The following GFRA2 variants were observed in gnomAD, a reference collection of about 807,000 sequenced individuals.
GFRA2 encodes GDNF family receptor alpha-2.
A neutral mutation model predicts 48.3 loss-of-function variants in GFRA2; 17 were observed. The observed-to-expected ratio is 0.35, with a 90% confidence interval of 0.24 to 0.53. The LOEUF is 0.53. Among genes scored for constraint, GFRA2 ranks in the 20% least tolerant of loss-of-function variants. GFRA2 has a pLI of 0.93. For synonymous variants in GFRA2, 305 were observed against 257.2 expected, an observed-to-expected ratio of 1.19 and a Z score of -1.78; for missense variants, 660 against 637.3, an observed-to-expected ratio of 1.04 and a Z score of -0.38.
chr8:21,724,194 G>C (rs918825211), intron 4 of GFRA2, among the ~76,000 whole-genome samples: 6 of 152,088 alleles, frequency 3.9e-5, no homozygotes, highest in African/African-American at 9.7e-5. Flanking sequence ...CTCAGCAGCA[G>C]AGCCTGACAG....
At chr8:21,793,152 T>C (rs1807606665), upstream of GFRA2, among the ~76,000 whole-genome samples, 1 of 151,784 alleles carries the variant, frequency 6.6e-6, no homozygotes, top group African/African-American at 2.4e-5. Context: ...AACTAGAGGG[T>C]CCAATTGGGG....
At chr8:21,754,505 C>CTTTTT (rs59344047) in intron 3 of GFRA2, among the ~76,000 whole-genome samples, 17 of 121,218 alleles carry the variant, frequency 1.4e-4, no homozygotes, top group Non-Finnish European at 2.0e-4. Flanking sequence ...CTTTTTTTTT[C>CTTTTT]TTTTTTTTTT....
At chr8:21,762,921 G>A (rs1035675130) in intron 3 of GFRA2, among the ~76,000 whole-genome samples, 1 of 152,088 alleles carries the variant, frequency 6.6e-6, no homozygotes, top group Non-Finnish European at 1.5e-5. Flanking sequence ...CCAAATTTGA[G>A]GCATTTCATA....
At chr8:21,740,160 T>A (rs1425491586) in intron 4 of GFRA2, among the ~76,000 whole-genome samples, 1 of 152,120 alleles carries the variant, frequency 6.6e-6, no homozygotes, top group East Asian at 1.9e-4. Flanking sequence ...TGGGACTGGC[T>A]CCTCTGCAAT....
In GFRA2 at chr8:21,788,481, G is replaced by T. The variant is rs970606526; in HGVS notation, c.-322C>A. 3 of 1,096,132 alleles carry T rather than the reference G, an allele frequency of 2.7e-6. No individual in the cohort carries two copies. Among genetic ancestry groups the T allele is most frequent in the Middle Eastern group, 4.0e-4 (1 of 2,526 alleles). 67.9% of individuals were successfully genotyped at this position (1,096,132 alleles called of 1,614,324 possible). A position where few individuals can be genotyped will look rare whatever the true frequency, so the allele number is the denominator to read the frequency against. ...TCAGCCCTCCCCTCCAATCGTCCGG[G>T]AAGGCGTGAGTCCCCGCGGGTCCAA... On this transcript the variant is annotated 5_prime_UTR_variant, in exon 1 of 9. Transcript: ENST00000524240.
chr8:21,782,902 G>A lies in GFRA2; in HGVS notation c.41-3C>T. 1 of 1,548,754 alleles carries A rather than the reference G, an allele frequency of 6.5e-7. No homozygotes were observed. The highest frequency in any genetic ancestry group is 1.2e-5 in the South Asian group (1 of 85,102). On this transcript the variant is annotated splice_polypyrimidine_tract_variant and splice_region_variant and intron_variant, in intron 1 of 8. Coordinates refer to ENST00000524240, the MANE Select transcript of GFRA2 (RefSeq NM_001495.5). Reference sequence around the variant, plus strand: ...GGCCAAAGAGCGGAGGGTCTCGTCTGGGTGGTGGGGAGGGAAGACAAGCAT... The same window carrying A: ...GGCCAAAGAGCGGAGGGTCTCGTCTAGGTGGTGGGGAGGGAAGACAAGCAT...
chr8:21,778,796 AG>A (rs1370149388), intron 2 of GFRA2, among the ~76,000 whole-genome samples: 3 of 152,162 alleles, frequency 2.0e-5, no homozygotes, highest in Non-Finnish European at 4.4e-5. Context: ...CTGAGGCAGA[AG>A]GGTCACTTCA....
chr8:21,776,244 T>G (rs975839047), intron 2 of GFRA2, among the ~76,000 whole-genome samples: 1 of 151,850 alleles, frequency 6.6e-6, no homozygotes, highest in Admixed American at 6.6e-5. Context: ...GAGACTCAAC[T>G]AGCCCCCTGC....
intron 2 of GFRA2, among the ~76,000 whole-genome samples, chr8:21,798,065 C>T (rs1028498631): frequency 6.6e-6 from 1 of 152,318 alleles, no homozygotes; most frequent in East Asian, 1.9e-4. Flanking sequence ...CCCAGGGGTA[C>T]AGGCACCTGC....
rs76714184 is a variant in GFRA2 at position 21,694,621 on chromosome 8, T to C, written c.1219-104A>G. The C allele has an allele frequency of 7.4e-3, 7,686 of 1,036,726 alleles. 375 individuals carry two copies. In the African/African-American group the frequency reaches 0.11, roughly 15 times the overall value. The allele number at this position is 1,036,726 out of a possible 1,614,324, so 64.2% of individuals were successfully genotyped here. A position where few individuals can be genotyped will look rare whatever the true frequency, so the allele number is the denominator to read the frequency against. ...CCCCGCCATGCACTGTTGGCTCCGC[T>C]AAGCACAGCCAGCGCACACGGTGAA... On this transcript the variant is annotated intron_variant, in intron 7 of 8. Transcript: ENST00000524240.
intron 1 of GFRA2, 86 bp downstream of exon 1, chr8:21,788,034 C>T: frequency 1.7e-6 from 1 of 603,422 alleles, no homozygotes. Flanking sequence ...GCCGACCTCC[C>T]GCCAGCCCCC....
chr8:21,788,410 G>T lies in GFRA2; in HGVS notation c.-251C>A. 2.3e-6 allele frequency: 3 copies of T among 1,305,292 alleles called. No homozygotes were observed. Among genetic ancestry groups the T allele is most frequent in the Non-Finnish European group, 2.9e-6 (3 of 1,030,008 alleles). 80.9% of individuals were successfully genotyped at this position (1,305,292 alleles called of 1,614,324 possible). On this transcript the variant is annotated 5_prime_UTR_variant, in exon 1 of 9. Coordinates refer to ENST00000524240, the MANE Select transcript of GFRA2 (RefSeq NM_001495.5). The stretch of plus-strand genomic sequence containing the variant: ...CCTTGCCCGCTACAATCAAATATAC[G>T]CGTATCTGTGTATCGGCTTTCTAAG...
At chr8:21,760,732 A>G (rs1179574330) in intron 3 of GFRA2, among the ~76,000 whole-genome samples, 1 of 152,224 alleles carries the variant, frequency 6.6e-6, no homozygotes, top group Non-Finnish European at 1.5e-5. Context: ...GGAAAGCCAC[A>G]TAACTCAGTG....
At chr8:21,803,239 G>C (rs1389295605) in intron 2 of GFRA2, among the ~76,000 whole-genome samples, 2 of 152,156 alleles carry the variant, frequency 1.3e-5, no homozygotes, top group Admixed American at 6.5e-5. Context: ...GAGGCAAGAG[G>C]AGAGACAACT....
intron 2 of GFRA2, among the ~76,000 whole-genome samples, chr8:21,800,043 A>G (rs936582013): frequency 6.6e-6 from 1 of 152,312 alleles, no homozygotes; most frequent in South Asian, 2.1e-4. Flanking sequence ...CTTCCACCAA[A>G]TGAGTCTGCT....
At chr8:21,775,288 C>G (rs1806639826) in intron 2 of GFRA2, among the ~76,000 whole-genome samples, 1 of 152,176 alleles carries the variant, frequency 6.6e-6, no homozygotes, top group Non-Finnish European at 1.5e-5. Context: ...GGAGAAGCTC[C>G]CTGACAGCAG....
intron 3 of GFRA2, among the ~76,000 whole-genome samples, chr8:21,759,670 G>C (rs1805800462): frequency 6.6e-6 from 1 of 151,982 alleles, no homozygotes; most frequent in South Asian, 2.1e-4. Flanking sequence ...AGGTGGATCA[G>C]TGAAGGCCAG....
chr8:21,720,110 G>A (rs537558372), intron 4 of GFRA2, among the ~76,000 whole-genome samples: 28 of 151,900 alleles, frequency 1.8e-4, no homozygotes, highest in Non-Finnish European at 2.6e-4. Flanking sequence ...ATTATTCCAC[G>A]GCATATTGTT....
At chr8:21,694,421 G>A (rs376286995) in intron 8 of GFRA2, 43 bp downstream of exon 8, 102 of 1,574,934 alleles carry the variant, frequency 6.5e-5, no homozygotes, top group Admixed American at 8.6e-5. Flanking sequence ...GCCCCCCACC[G>A]GCCCAGCCTT....
Sources: allele counts gnomAD v4.1 joint callset (sites outside exome capture counted in the v4.1 genomes callset), GRCh38; gene constraint gnomAD v4.1.1; transcripts MANE v1.5; gene names NCBI Gene and HGNC (gene_info 2026-07-23, HGNC 2026-07-21).